PLCD3: variants seen among roughly 807,000 people sequenced by gnomAD.
The protein encoded by PLCD3 is 1-phosphatidylinositol 4,5-bisphosphate phosphodiesterase delta-3.
Under a neutral mutation model 82.8 loss-of-function variants are expected in PLCD3, and 62 were observed. The observed-to-expected ratio is 0.75, with a 90% confidence interval of 0.61 to 0.93. The LOEUF (loss-of-function observed/expected upper bound fraction) is 0.93, where lower values mean the gene tolerates loss of function less well. PLCD3 is among the 40% of genes least tolerant of loss of function. PLCD3 has a pLI of 0.00. For synonymous variants in PLCD3, 478 were observed against 471.8 expected (o/e 1.01, Z -0.17); for missense variants, 1,023 against 1,103.4 (o/e 0.93, Z 1.03).
At chr17:45,124,150 C>T (rs929215580) in intron 1 of PLCD3, among the ~76,000 whole-genome samples, 2 of 152,234 alleles carry the variant, frequency 1.3e-5, no homozygotes, top group Non-Finnish European at 2.9e-5. Flanking sequence ...CCTACCTAGG[C>T]CAGCCCTCTG....
intron 1 of PLCD3, among the ~76,000 whole-genome samples, chr17:45,125,462 T>C: frequency 6.6e-6 from 1 of 152,242 alleles, no homozygotes; most frequent in East Asian, 1.9e-4. Flanking sequence ...CCGAGCATGG[T>C]GGCCCACGCC....
Position 45,120,248 on chromosome 17 carries a change from T to C in PLCD3, c.684+77A>G, listed in dbSNP as rs1438896919. 29 of 1,588,796 alleles carry C rather than the reference T, an allele frequency of 1.8e-5. No homozygotes were observed. The Admixed American group carries it at 4.3e-4, about 24-fold the overall frequency. On this transcript the variant is annotated intron_variant, in intron 4 of 14. Coordinates refer to ENST00000619929, the MANE Select transcript of PLCD3 (RefSeq NM_133373.5). ...CAGGTGGAGAGGGCAGGGGAGCTGA[T>C]GATTCAGATGGCTGGGGGCAGGCAG...
intron 1 of PLCD3, among the ~76,000 whole-genome samples, chr17:45,124,029 G>A (rs1236950253): frequency 6.6e-6 from 1 of 151,700 alleles, no homozygotes; most frequent in Non-Finnish European, 1.5e-5. Flanking sequence ...AGGGCAGAGG[G>A]GAGCCTGCAG....
rs376940555 is a variant in PLCD3 at position 45,115,389 on chromosome 17, G to A, written c.1515C>T (p.Asp505=). Residue 505 remains aspartate, a synonymous_variant, in exon 9 of 15, where the codon GAC becomes GAT. Coordinates refer to ENST00000619929, the MANE Select transcript of PLCD3 (RefSeq NM_133373.5). ...CCTCCACCTCCTCTTCTTCCTCCTC[G>A]TCATCCTCCTCCTCCTCCTCCCGAT... ...LSDREEEEED[D]EEEEEEVEAA... The A allele has an allele frequency of 2.0e-4, 312 of 1,587,288 alleles. No individual in the cohort carries two copies. The highest frequency in any genetic ancestry group is 2.5e-4 in the Non-Finnish European group (295 of 1,168,634).
In PLCD3 at chr17:45,115,127, C is replaced by G; in HGVS notation, c.1678G>C (p.Glu560Gln). ...PQPCQVSSLSERKAKKLIREA... is the reference protein window; with the variant it reads ...PQPCQVSSLSQRKAKKLIREA... Reference sequence around the variant, plus strand: ...CGAATGAGTTTCTTGGCTTTGCGCTCGCTGAGGGAGCTGACCTGGCAGGGT... The same window carrying G: ...CGAATGAGTTTCTTGGCTTTGCGCTGGCTGAGGGAGCTGACCTGGCAGGGT... Residue 560 changes from glutamate to glutamine, a missense_variant, in exon 10 of 15, where the codon GAG becomes CAG. Transcript: ENST00000619929. 1.2e-6 allele frequency: 2 copies of G among 1,602,036 alleles called. No homozygotes were observed. The highest frequency in any genetic ancestry group is 1.7e-6 in the Non-Finnish European group (2 of 1,174,428).
At position 45,112,476 on chromosome 17, in the gene PLCD3, C is replaced by A; in HGVS notation, c.*140G>T. The A allele has an allele frequency of 1.1e-6, 1 of 920,044 alleles. No homozygotes were observed. The allele number at this position is 920,044 out of a possible 1,614,324, so 57.0% of individuals were successfully genotyped here. A position where few individuals can be genotyped will look rare whatever the true frequency, so the allele number is the denominator to read the frequency against. ...GCCCTCAGCACCCAGGTGAGACCAG[C>A]GCCTGGTGAATGGGCTGAGTGGGCC... On this transcript the variant is annotated 3_prime_UTR_variant, in exon 15 of 15. Coordinates refer to ENST00000619929, the MANE Select transcript of PLCD3 (RefSeq NM_133373.5).
chr17:45,128,124 C>T (rs936731306), intron 1 of PLCD3, among the ~76,000 whole-genome samples: 3 of 152,152 alleles, frequency 2.0e-5, no homozygotes, highest in African/African-American at 4.8e-5. Flanking sequence ...GCATGTCCCC[C>T]GTGACCCAGC....
In PLCD3 at chr17:45,118,206, G is replaced by A. The variant is rs2054306340; in HGVS notation, c.1116-68C>T. Reference sequence around the variant, plus strand: ...GTGCCACAGAGCAGGGCAGCAGGCAGGCTGGGCCAGGAAGGCCCCAGGAAG... The same window carrying A: ...GTGCCACAGAGCAGGGCAGCAGGCAAGCTGGGCCAGGAAGGCCCCAGGAAG... On this transcript the variant is annotated intron_variant, in intron 6 of 14. Coordinates refer to ENST00000619929, the MANE Select transcript of PLCD3 (RefSeq NM_133373.5). This position sits in a 1 kb window ranked among gnomAD's most constrained non-coding sequence, Gnocchi z 4.1. The A allele has an allele frequency of 1.9e-6, 3 of 1,611,608 alleles. No homozygotes were observed. The Admixed American group carries it at 5.0e-5, about 27-fold the overall frequency.
chr17:45,120,873 G>A, intron 3 of PLCD3, 29 bp downstream of exon 3: 1 of 1,412,702 alleles, frequency 7.1e-7, no homozygotes, highest in Non-Finnish European at 9.2e-7. Flanking sequence ...CCAAGGATGG[G>A]GCCCTCCCTC....
chr17:45,114,193 A>C (rs1164145318), intron 11 of PLCD3, 57 bp downstream of exon 11: 1 of 1,325,438 alleles, frequency 7.5e-7, no homozygotes, highest in Admixed American at 2.9e-5. Flanking sequence ...CTCACTGCTG[A>C]GGCCTCCCCC....
In PLCD3 at chr17:45,111,337, TCTC is replaced by T. The variant is rs778779294; in HGVS notation, c.*1276_*1278del. 8 of 152,096 alleles carry T rather than the reference TCTC, an allele frequency of 5.3e-5. No individual in the cohort carries two copies. The highest frequency in any genetic ancestry group is 1.0e-4 in the Non-Finnish European group (7 of 68,122). The allele number at this position is 152,096 out of a possible 1,614,324, so 9.4% of individuals were successfully genotyped here. ...AGTCTGAGGGTCCCTCAGACTCCTG[TCTC>T]CTCCTCATTCAAGGCCCCTCTGTGT... On this transcript the variant is annotated 3_prime_UTR_variant, in exon 15 of 15. Coordinates refer to ENST00000619929, the MANE Select transcript of PLCD3 (RefSeq NM_133373.5).
chr17:45,118,103 T>C lies in PLCD3; in HGVS notation c.1151A>G (p.Asp384Gly). 1.2e-6 allele frequency: 2 copies of C among 1,613,890 alleles called. No individual in the cohort carries two copies. Among genetic ancestry groups the C allele is most frequent in the Admixed American group, 1.7e-5 (1 of 60,012 alleles). Reference protein sequence around the residue: ...FAQGCRCVELDCWEGPGGEPV... With the variant: ...FAQGCRCVELGCWEGPGGEPV... Reference sequence around the variant, plus strand: ...CTCCCCTCCTGGCCCCTCCCAGCAGTCCAGCTCCACGCAGCGGCATCCCTG... The same window carrying C: ...CTCCCCTCCTGGCCCCTCCCAGCAGCCCAGCTCCACGCAGCGGCATCCCTG... The change falls in exon 7 of 15, where the codon GAC becomes GGC. Residue 384 changes from aspartate (D) to glycine (G), a missense_variant. Physicochemically the swap from Asp to Gly is moderately conservative, Grantham distance 94 (BLOSUM62 -1). Transcript: ENST00000619929. This position sits in a 1 kb window ranked among gnomAD's most constrained non-coding sequence, Gnocchi z 4.1.
At position 45,118,912 on chromosome 17, in the gene PLCD3, G is replaced by C; in HGVS notation, c.816C>G (p.Ala272=). 6.2e-7 allele frequency: 1 copy of C among 1,612,702 alleles called. No homozygotes were observed. The highest frequency in any genetic ancestry group is 8.5e-7 in the Non-Finnish European group (1 of 1,179,816). The change falls in exon 5 of 15, where the codon GCC becomes GCG. Residue 272 remains alanine (A), a synonymous_variant. Coordinates refer to ENST00000619929, the MANE Select transcript of PLCD3 (RefSeq NM_133373.5). The surrounding 1 kb of genome is among the most constrained non-coding windows in gnomAD (Gnocchi z 4.1). ...QYSGEDRVLS[A]PELLEFLEDQ... The stretch of plus-strand genomic sequence containing the variant: ...CCTCCAGGAACTCCAGCAGCTCAGG[G>C]GCACTCAGCACGCGGTCCTCGCCCG...
intron 1 of PLCD3, among the ~76,000 whole-genome samples, chr17:45,124,247 C>G (rs779760455): frequency 1.1e-4 from 16 of 152,210 alleles, no homozygotes; most frequent in Non-Finnish European, 2.1e-4. Context: ...CCAGAGCCTT[C>G]TGCAAACAGG....
intron 1 of PLCD3, among the ~76,000 whole-genome samples, chr17:45,125,554 C>T (rs920897686): frequency 1.3e-5 from 2 of 152,230 alleles, no homozygotes; most frequent in African/African-American, 4.8e-5. Flanking sequence ...TGAGATTGTG[C>T]CACTATACTC....
chr17:45,126,440 ACCTC>A lies in PLCD3; in HGVS notation c.164-5072_164-5069del, dbSNP rs561273996. ...ACGATCTCAGCTCACTGCAACCCCCACCTCCCGGGTTCAAGTGATTTCCGGCTAA... is the reference window on the plus strand; with the variant it reads ...ACGATCTCAGCTCACTGCAACCCCCACCGGGTTCAAGTGATTTCCGGCTAA... On this transcript the variant is annotated intron_variant, in intron 1 of 14. Coordinates refer to ENST00000619929, the MANE Select transcript of PLCD3 (RefSeq NM_133373.5). 7.2e-5 allele frequency among the ~76,000 whole-genome samples: 8 copies of A among 111,334 alleles called. No homozygotes were observed. In the East Asian group the frequency reaches 2.1e-3, roughly 30 times the overall value. 73.0% of individuals were successfully genotyped at this position (111,334 alleles called of 152,430 possible).
chr17:45,114,718 C>T (rs942146124), intron 10 of PLCD3, among the ~76,000 whole-genome samples: 8 of 152,188 alleles, frequency 5.3e-5, no homozygotes, highest in African/African-American at 1.7e-4. Context: ...GTCTGGAAAG[C>T]GCTCTCCCCT....
In PLCD3 at chr17:45,115,099, T is replaced by A. The variant is rs1291277618; in HGVS notation, c.1706A>T (p.Glu569Val). 4 of 1,597,608 alleles carry A rather than the reference T, an allele frequency of 2.5e-6. No individual in the cohort carries two copies. Among genetic ancestry groups the A allele is most frequent in the African/African-American group, 2.7e-5 (2 of 74,568 alleles). The change falls in exon 10 of 15, where the codon GAG (glutamate) becomes GTG (valine). Residue 569 changes from glutamate (E) to valine (V), a missense_variant. By Grantham distance (121) the Glu-to-Val change is moderately radical. Coordinates refer to ENST00000619929, the MANE Select transcript of PLCD3 (RefSeq NM_133373.5). ...SERKAKKLIR[E>V]AGNSFVRHNA... ...CCCAGTGCCCCAGCTCCTACCTGCCTCCCGAATGAGTTTCTTGGCTTTGCG... is the reference window on the plus strand; with the variant it reads ...CCCAGTGCCCCAGCTCCTACCTGCCACCCGAATGAGTTTCTTGGCTTTGCG...
chr17:45,125,553 G>A (rs974997208), intron 1 of PLCD3, among the ~76,000 whole-genome samples: 9 of 152,366 alleles, frequency 5.9e-5, no homozygotes, highest in African/African-American at 2.2e-4. Context: ...CTGAGATTGT[G>A]CCACTATACT....
Sources: allele counts gnomAD v4.1 joint callset (sites outside exome capture counted in the v4.1 genomes callset), GRCh38; gene constraint gnomAD v4.1.1; non-coding constraint Gnocchi (gnomAD v3.1); transcripts MANE v1.5; gene names NCBI Gene and HGNC (gene_info 2026-07-23, HGNC 2026-07-21).